CCL24: variants seen among roughly 807,000 people sequenced by gnomAD.
CCL24 encodes the protein C-C motif chemokine ligand 24, also known as C-C motif chemokine 24.
In CCL24, 6 loss-of-function variants were observed where a neutral mutation model predicts 8.6. The ratio of observed to expected loss-of-function variants is 0.70; its 90% CI spans 0.38 to 1.38. The LOEUF is 1.38. Among genes scored for constraint, CCL24 ranks in the 40% most tolerant of loss-of-function variants. The pLI is 0.02. For missense variants in CCL24, 126 were observed against 147.1 expected (o/e 0.86, Z 0.74); for synonymous variants, 59 against 52.7 (o/e 1.12, Z -0.52).
At chr7:75,818,020 G>T (rs529107502), upstream of CCL24, among the ~76,000 whole-genome samples, 1 of 151,096 alleles carries the variant, frequency 6.6e-6, no homozygotes, top group African/African-American at 2.4e-5. Context: ...TAGTGGAGGC[G>T]GGGTTTCACC....
At chr7:75,817,047 G>C (rs1336212110), upstream of CCL24, among the ~76,000 whole-genome samples, 1 of 151,734 alleles carries the variant, frequency 6.6e-6, no homozygotes, top group Non-Finnish European at 1.5e-5. Context: ...TAAATTTTTA[G>C]TAGAGATGGG....
At chr7:75,816,945 G>A (rs574537339), upstream of CCL24, among the ~76,000 whole-genome samples, 54 of 151,654 alleles carry the variant, frequency 3.6e-4, no homozygotes, top group African/African-American at 1.2e-3. Flanking sequence ...GCTCATTGCA[G>A]CTTCCAACTC....
Position 75,811,937 on chromosome 7 carries a change from G to A in CCL24, c.219C>T (p.Phe73=). ...CCCACTCCTGCTTGGGGTCGCCACA[G>A]AACTGCTGGCCCTTCTTGGTGGTGA... The part of the protein sequence containing the change: ...VIFTTKKGQQ[F]CGDPKQEWVQ... The change falls in exon 3 of 3, where the codon TTC becomes TTT. Residue 73 remains phenylalanine (F), a synonymous_variant. Transcript: ENST00000222902. 1.9e-6 allele frequency: 3 copies of A among 1,610,840 alleles called. No individual in the cohort carries two copies. The highest frequency in any genetic ancestry group is 2.5e-6 in the Non-Finnish European group (3 of 1,179,476).
upstream of CCL24, among the ~76,000 whole-genome samples, chr7:75,816,560 T>C (rs1175701799): frequency 6.7e-6 from 1 of 148,582 alleles, no homozygotes; most frequent in Non-Finnish European, 1.5e-5. Context: ...ATTTTATTTA[T>C]TTATTTATTT....
In CCL24 at chr7:75,819,941, G is replaced by A. The variant is rs534267889; in HGVS notation, c.-60+3381C>T. Among the ~76,000 whole-genome samples the A allele has an allele frequency of 4.6e-5, 7 of 152,152 alleles. No individual in the cohort carries two copies. In the East Asian group the frequency reaches 1.2e-3, roughly 25 times the overall value. On this transcript the variant is annotated intron_variant, in intron 1 of 3. Coordinates refer to the CCL24 transcript ENST00000416943. ...ATGAAATGGTGGGGGCGGGGAGGAT[G>A]AGGCCACTTTTTACCCATGATCTCA...
At chr7:75,813,622 G>A (rs781810208) in intron 1 of CCL24, 21 bp downstream of exon 1, 39 of 1,600,078 alleles carry the variant, frequency 2.4e-5, no homozygotes, top group Non-Finnish European at 3.3e-5. Context: ...CCTTGGAACT[G>A]CATCCTGTCG....
At chr7:75,812,834 G>T (rs577982343) in intron 2 of CCL24, among the ~76,000 whole-genome samples, 2 of 152,062 alleles carry the variant, frequency 1.3e-5, no homozygotes, top group Non-Finnish European at 2.9e-5. Context: ...GGAGGCTGAG[G>T]CATGAGAATT....
At chr7:75,819,234 C>G (rs1296167156) in intron 1 of CCL24, among the ~76,000 whole-genome samples, 3 of 117,398 alleles carry the variant, frequency 2.6e-5, no homozygotes, top group Non-Finnish European at 5.0e-5. Context: ...CACCATTGCA[C>G]GCCAGACTGG....
intron 2 of CCL24, among the ~76,000 whole-genome samples, chr7:75,812,466 GA>G (rs1803789106): frequency 6.6e-6 from 1 of 152,136 alleles, no homozygotes; most frequent in African/African-American, 2.4e-5. Flanking sequence ...TTGGAGGACA[GA>G]CACATGTCAG....
intron 1 of CCL24, among the ~76,000 whole-genome samples, chr7:75,820,329 C>T (rs1233946333): frequency 6.6e-6 from 1 of 151,954 alleles, no homozygotes; most frequent in Non-Finnish European, 1.5e-5. Flanking sequence ...CAGGCGCACG[C>T]CACCACACCC....
chr7:75,817,296 G>T (rs1430845681), upstream of CCL24, among the ~76,000 whole-genome samples: 5 of 151,912 alleles, frequency 3.3e-5, no homozygotes, highest in Non-Finnish European at 5.9e-5. Flanking sequence ...AGGAAGTTGG[G>T]GGGAGAAAGG....
At chr7:75,814,782 C>G (rs1803852472), upstream of CCL24, among the ~76,000 whole-genome samples, 1 of 152,052 alleles carries the variant, frequency 6.6e-6, no homozygotes, top group Non-Finnish European at 1.5e-5. Context: ...TGGCCAATGT[C>G]TGCCAGAGGG....
chr7:75,816,734 G>A (rs117679282), upstream of CCL24, among the ~76,000 whole-genome samples: 4,770 of 151,292 alleles, frequency 0.032, 94 homozygotes, highest in Non-Finnish European at 0.042. Context: ...GCTAATTGTT[G>A]TATTTTTAGT....
upstream of CCL24, among the ~76,000 whole-genome samples, chr7:75,815,355 A>T (rs1322763758): frequency 6.6e-6 from 1 of 150,564 alleles, no homozygotes; most frequent in South Asian, 2.1e-4. Flanking sequence ...AAAAAAAAAA[A>T]GAAAGGCTGG....
upstream of CCL24, among the ~76,000 whole-genome samples, chr7:75,816,321 A>G (rs1554534132): frequency 6.6e-6 from 1 of 152,110 alleles, no homozygotes; most frequent in East Asian, 1.9e-4. Flanking sequence ...TGGAGGCAAG[A>G]CTGAAGTCGG....
intron 2 of CCL24, 56 bp from the exon 3 acceptor site, chr7:75,812,020 C>A: frequency 6.7e-7 from 1 of 1,489,578 alleles, no homozygotes; most frequent in Non-Finnish European, 9.2e-7. Context: ...TTGGGCCACT[C>A]CACTTCATGG....
chr7:75,820,155 C>T lies in CCL24; in HGVS notation c.-60+3167G>A, dbSNP rs1424679307. Among the ~76,000 whole-genome samples the T allele has an allele frequency of 1.4e-4, 5 of 35,464 alleles. 1 individual carries two copies. The highest frequency in any genetic ancestry group is 3.8e-4 in the Non-Finnish European group (5 of 13,082). The allele number at this position is 35,464 out of a possible 152,430, so 23.3% of individuals were successfully genotyped here. A position where few individuals can be genotyped will look rare whatever the true frequency, so the allele number is the denominator to read the frequency against. On this transcript the variant is annotated intron_variant, in intron 1 of 3. Coordinates refer to the CCL24 transcript ENST00000416943. ...TCTCCTCCTCCTCCTCCTCCTCCTT[C>T]TCCTTCTCCTTCTCCTTCTCCTTCT...
intron 2 of CCL24, 115 bp downstream of exon 2, chr7:75,813,191 G>A: frequency 3.2e-6 from 2 of 620,534 alleles, no homozygotes; most frequent in South Asian, 1.9e-5. Flanking sequence ...AGAGAGGGGA[G>A]GTGACTTCTC....
chr7:75,817,597 G>A (rs1803919928), upstream of CCL24, among the ~76,000 whole-genome samples: 1 of 151,376 alleles, frequency 6.6e-6, no homozygotes, highest in Admixed American at 6.6e-5. Flanking sequence ...CAACCTCCCG[G>A]GTTCAAGCAA....
Sources: gnomAD v4.1 joint callset for allele counts (sites outside exome capture counted in the v4.1 genomes callset) on GRCh38, gnomAD v4.1.1 for gene constraint, MANE v1.5 for transcripts, NCBI Gene and HGNC (gene_info 2026-07-23, HGNC 2026-07-21) for gene names.